Variants in ABL1 observed in about 807,000 individuals in gnomAD.
ABL1 encodes ABL proto-oncogene 1, non-receptor tyrosine kinase.
A neutral mutation model predicts 94.7 loss-of-function variants in ABL1; 11 were observed. The ratio of observed to expected loss-of-function variants is 0.12; its 90% CI spans 0.07 to 0.19. ABL1 has a LOEUF of 0.19. Among genes scored for constraint, ABL1 ranks in the 10% least tolerant of loss-of-function variants. The pLI is 1.00. For missense variants in ABL1, 1,082 were observed against 1,489.4 expected (o/e 0.73, Z 4.50); for synonymous variants, 656 against 622.4 (o/e 1.05, Z -0.80).
At chr9:130,726,509 A>T (rs1311358959) in intron 1 of ABL1, among the ~76,000 whole-genome samples, 1 of 152,082 alleles carries the variant, frequency 6.6e-6, no homozygotes, top group Non-Finnish European at 1.5e-5. Flanking sequence ...TTTCTCTCTC[A>T]CACACACCTT....
chr9:130,787,653 C>G (rs1368862961), intron 1 of ABL1, among the ~76,000 whole-genome samples: 2 of 152,182 alleles, frequency 1.3e-5, no homozygotes, highest in East Asian at 3.9e-4. Flanking sequence ...CAGCCTCGTG[C>G]TCTGCTCCCA....
At chr9:130,738,977 C>T (rs1022804011) in intron 1 of ABL1, among the ~76,000 whole-genome samples, 2 of 152,156 alleles carry the variant, frequency 1.3e-5, no homozygotes, top group African/African-American at 2.4e-5. Flanking sequence ...CCACCTCCCT[C>T]GTTCAAACAA....
chr9:130,819,629 C>G (rs1213487036), intron 1 of ABL1, among the ~76,000 whole-genome samples: 1 of 150,022 alleles, frequency 6.7e-6, no homozygotes, highest in Non-Finnish European at 1.5e-5. Context: ...ACCTCCGCCT[C>G]CCAGGTTCAA....
rs60206110 is a variant in ABL1 at position 130,751,129 on chromosome 9, C to CTTTTTTTTTTTTTTTTTTTTTTTTTTTTT, written c.136+36676_136+36704dup. On this transcript the variant is annotated intron_variant, in intron 1 of 10. Transcript: ENST00000372348. ...TTTGAAACTTGTTTTTTTTATTCAG[C>CTTTTTTTTTTTTTTTTTTTTTTTTTTTTT]TTTTTTTTTTTTTTTTTTTTTTTTT... Among the ~76,000 whole-genome samples the CTTTTTTTTTTTTTTTTTTTTTTTTTTTTT allele has an allele frequency of 5.2e-5, 3 of 57,486 alleles. 1 individual carries two copies. Among genetic ancestry groups the CTTTTTTTTTTTTTTTTTTTTTTTTTTTTT allele is most frequent in the Non-Finnish European group, 9.0e-5 (3 of 33,416 alleles). The allele number at this position is 57,486 out of a possible 152,430, so 37.7% of individuals were successfully genotyped here.
upstream of ABL1, among the ~76,000 whole-genome samples, chr9:130,831,173 C>T (rs117516463): frequency 6.6e-6 from 1 of 152,188 alleles, no homozygotes; most frequent in East Asian, 1.9e-4. Context: ...CTGTTCCCCC[C>T]CTAAAGCTAC....
At chr9:130,802,111 G>A (rs909115349) in intron 1 of ABL1, among the ~76,000 whole-genome samples, 1 of 63,742 alleles carries the variant, frequency 1.6e-5, no homozygotes, top group Admixed American at 1.7e-4. Context: ...TTTTTTTTTT[G>A]AAATGGTCTC....
intron 1 of ABL1, among the ~76,000 whole-genome samples, chr9:130,775,102 GAGTTCCTAGATTACTAC>G (rs1430584910): frequency 6.6e-6 from 1 of 152,186 alleles, no homozygotes; most frequent in African/African-American, 2.4e-5. Context: ...TAGGTTGCTA[GAGTTCCTAGATTACTAC>G]AGTTCCTAGT....
At chr9:130,829,980 C>T (rs1010538407) in intron 1 of ABL1, among the ~76,000 whole-genome samples, 4 of 152,126 alleles carry the variant, frequency 2.6e-5, no homozygotes, top group Non-Finnish European at 5.9e-5. Context: ...GCTGTCTCTG[C>T]GGAAACATAC....
At chr9:130,852,793 A>G (rs1323614162) in intron 1 of ABL1, among the ~76,000 whole-genome samples, 2 of 152,196 alleles carry the variant, frequency 1.3e-5, no homozygotes, top group Admixed American at 6.5e-5. Flanking sequence ...AACTTTTAGA[A>G]TCTGTTTCAG....
intron 1 of ABL1, among the ~76,000 whole-genome samples, chr9:130,791,515 G>GT (rs200342179): frequency 0.014 from 2,142 of 152,240 alleles, 14 homozygotes; most frequent in Non-Finnish European, 0.021. Context: ...CACCCTCAAC[G>GT]TGGGTGGGCA....
intron 1 of ABL1, among the ~76,000 whole-genome samples, chr9:130,736,167 G>T (rs888734223): frequency 9.9e-5 from 15 of 151,762 alleles, no homozygotes; most frequent in Admixed American, 5.9e-4. Context: ...TGTTGCCCAG[G>T]CTGGTCTTAA....
chr9:130,736,702 G>C (rs1307188013), intron 1 of ABL1, among the ~76,000 whole-genome samples: 1 of 152,134 alleles, frequency 6.6e-6, no homozygotes, highest in African/African-American at 2.4e-5. Context: ...TGTTGGTCAG[G>C]CTGGTCTCAA....
Position 130,885,403 on chromosome 9 carries a change from C to T in ABL1, c.3113C>T (p.Ala1038Val), listed in dbSNP as rs367600262. The T allele has an allele frequency of 7.6e-5, 122 of 1,613,660 alleles. 1 individual carries two copies. The highest frequency in any genetic ancestry group is 4.9e-4 in the African/African-American group (37 of 75,066). The change falls in exon 11 of 11, where the codon GCG becomes GTG. Residue 1038 changes from alanine (A) to valine (V), a missense_variant. Physicochemically the swap from Ala to Val is moderately conservative, Grantham distance 64. Coordinates refer to ENST00000318560, the MANE Select transcript of ABL1 (RefSeq NM_005157.6). The stretch of plus-strand genomic sequence containing the variant: ...GGCGTGGTCCTGGACAGCACCGAGG[C>T]GCTGTGCCTCGCCATCTCTAGGAAC... ...TKGVVLDSTE[A>V]LCLAISRNSE...
intron 1 of ABL1, among the ~76,000 whole-genome samples, chr9:130,756,802 G>T (rs908801923): frequency 2.0e-5 from 3 of 152,158 alleles, no homozygotes; most frequent in African/African-American, 7.2e-5. Context: ...CTTTAACTTG[G>T]CTATAAGAAG....
intron 1 of ABL1, among the ~76,000 whole-genome samples, chr9:130,772,893 G>A (rs911471892): frequency 1.2e-4 from 18 of 152,170 alleles, no homozygotes; most frequent in Non-Finnish European, 1.9e-4. Context: ...GACTTTTGCT[G>A]GTGATAGGAC....
chr9:130,842,767 C>G (rs1229028563), intron 1 of ABL1, among the ~76,000 whole-genome samples: 4 of 152,324 alleles, frequency 2.6e-5, no homozygotes, highest in Admixed American at 2.0e-4. Context: ...TGCAAATGGC[C>G]TGTGACAATA....
At chr9:130,813,132 T>C (rs1424793604) in intron 1 of ABL1, among the ~76,000 whole-genome samples, 2 of 152,022 alleles carry the variant, frequency 1.3e-5, no homozygotes, top group Non-Finnish European at 2.9e-5. Context: ...GGAGAATCAC[T>C]TGAACCCGGG....
intron 1 of ABL1, among the ~76,000 whole-genome samples, chr9:130,782,073 T>TC (rs1261867335): frequency 3.3e-5 from 5 of 151,894 alleles, no homozygotes; most frequent in Non-Finnish European, 7.4e-5. Flanking sequence ...TTTTTCTTTT[T>TC]TTTTTGAGAC....
intron 1 of ABL1, among the ~76,000 whole-genome samples, chr9:130,846,081 C>CTGTGTGTGTGTGTG (rs10554440): frequency 5.4e-5 from 8 of 148,062 alleles, no homozygotes; most frequent in Non-Finnish European, 7.5e-5. Context: ...AAACGTATGT[C>CTGTGTGTGTGTGTG]TGTGTGTGTG....
Sources: gnomAD v4.1 joint callset for allele counts (sites outside exome capture counted in the v4.1 genomes callset) on GRCh38, gnomAD v4.1.1 for gene constraint, MANE v1.5 for transcripts, NCBI Gene and HGNC (gene_info 2026-07-23, HGNC 2026-07-21) for gene names.